The following ARHGAP18 variants were observed in gnomAD, a reference collection of about 807,000 sequenced individuals.
ARHGAP18 encodes Rho GTPase activating protein 18, also known as rho GTPase-activating protein 18.
A neutral mutation model predicts 86.2 loss-of-function variants in ARHGAP18; 67 were observed. That is an observed-to-expected ratio of 0.78 (90% CI 0.64 to 0.95). The LOEUF is 0.95. Among genes scored for constraint, ARHGAP18 ranks in the 40% least tolerant of loss-of-function variants. ARHGAP18 has a pLI of 0.00. For missense variants in ARHGAP18, 691 were observed against 780.4 expected (o/e 0.89, Z 1.37); for synonymous variants, 283 against 280.4 (o/e 1.01, Z -0.09).
chr6:129,681,318 C>T (rs575589418), intron 1 of ARHGAP18, among the ~76,000 whole-genome samples: 3 of 152,268 alleles, frequency 2.0e-5, no homozygotes, highest in Admixed American at 2.0e-4. Context: ...CCTCGTGATC[C>T]GCCTGCCTCG....
At chr6:129,665,897 G>A (rs1774026964) in intron 1 of ARHGAP18, among the ~76,000 whole-genome samples, 1 of 152,030 alleles carries the variant, frequency 6.6e-6, no homozygotes, top group Admixed American at 6.6e-5. Context: ...CAATTTTCTT[G>A]GCACAGAGGA....
chr6:129,710,142 G>A lies in ARHGAP18; in HGVS notation c.-6C>T, dbSNP rs765968468. 3.2e-5 allele frequency: 52 copies of A among 1,606,674 alleles called. No homozygotes were observed. Among genetic ancestry groups the A allele is most frequent in the Non-Finnish European group, 4.3e-5 (51 of 1,173,878 alleles). ...GAACTGGAGAGCCAGCTCATGGTGA[G>A]AGAAGGGACATACTTTCTGCGATCC... On this transcript the variant is annotated 5_prime_UTR_variant, in exon 1 of 15. Coordinates refer to ENST00000368149, the MANE Select transcript of ARHGAP18 (RefSeq NM_033515.3).
intron 12 of ARHGAP18, among the ~76,000 whole-genome samples, chr6:129,589,036 G>T (rs1030069583): frequency 1.9e-4 from 29 of 151,678 alleles, no homozygotes; most frequent in Non-Finnish European, 2.9e-5. Flanking sequence ...GCCTGGCACA[G>T]CAAACCAGTT....
rs932721807 is a variant in ARHGAP18 at position 129,576,182 on chromosome 6, C to A, written c.*2331G>T. 1 of 152,156 alleles carries A rather than the reference C, an allele frequency of 6.6e-6. No homozygotes were observed. The highest frequency in any genetic ancestry group is 1.9e-4 in the East Asian group (1 of 5,164). The allele number at this position is 152,156 out of a possible 1,614,324, so 9.4% of individuals were successfully genotyped here. A position where few individuals can be genotyped will look rare whatever the true frequency, so the allele number is the denominator to read the frequency against. ...ATTTTTATTTTGTCTCATACACACA[C>A]AGAAAAACAAATAAAAATCTAGCCT... On this transcript the variant is annotated 3_prime_UTR_variant, in exon 15 of 15. Transcript: ENST00000368149.
intron 1 of ARHGAP18, among the ~76,000 whole-genome samples, chr6:129,693,653 G>A (rs1774564274): frequency 6.6e-6 from 1 of 152,138 alleles, no homozygotes; most frequent in Non-Finnish European, 1.5e-5. Flanking sequence ...ACACTGAAGA[G>A]AGAAAAACAA....
intron 1 of ARHGAP18, among the ~76,000 whole-genome samples, chr6:129,664,470 A>G (rs1048514948): frequency 1.3e-5 from 2 of 152,064 alleles, no homozygotes; most frequent in African/African-American, 4.8e-5. Context: ...GTGTACAAAT[A>G]GAGGAATTTT....
At position 129,593,991 on chromosome 6, in the gene ARHGAP18, T is replaced by C. The variant is rs573953544; in HGVS notation, c.1713+5225A>G. Among the ~76,000 whole-genome samples the C allele has an allele frequency of 3.9e-5, 6 of 152,310 alleles. No homozygotes were observed. The East Asian group carries it at 9.6e-4, about 24-fold the overall frequency. On this transcript the variant is annotated intron_variant, in intron 12 of 14. Transcript: ENST00000368149. ...TTTTAATAGCATACAAAATTATTATTTTTTTAACAGGGGTGTCACTGTTTT... is the reference window on the plus strand; with the variant it reads ...TTTTAATAGCATACAAAATTATTATCTTTTTAACAGGGGTGTCACTGTTTT...
intron 1 of ARHGAP18, among the ~76,000 whole-genome samples, chr6:129,666,715 A>C (rs901427574): frequency 2.6e-5 from 4 of 152,246 alleles, no homozygotes; most frequent in African/African-American, 9.6e-5. Context: ...ATACCTGCAC[A>C]TACAGACACC....
intron 10 of ARHGAP18, among the ~76,000 whole-genome samples, chr6:129,602,618 A>G (rs1485626038): frequency 6.6e-6 from 1 of 152,170 alleles, no homozygotes; most frequent in Non-Finnish European, 1.5e-5. Flanking sequence ...AGATTTATGT[A>G]TCTAATTTCT....
chr6:129,619,761 T>A (rs982301053), intron 5 of ARHGAP18, among the ~76,000 whole-genome samples: 1 of 151,578 alleles, frequency 6.6e-6, no homozygotes, highest in Admixed American at 6.6e-5. Flanking sequence ...CATACACTTA[T>A]GTATCTTTTA....
At position 129,629,529 on chromosome 6, in the gene ARHGAP18, GC is replaced by G. The variant is rs749823482; in HGVS notation, c.617-8del. 3.7e-6 allele frequency: 6 copies of G among 1,600,140 alleles called. No individual in the cohort carries two copies. The highest frequency in any genetic ancestry group is 5.1e-6 in the Non-Finnish European group (6 of 1,176,110). On this transcript the variant is annotated splice_polypyrimidine_tract_variant and splice_region_variant and intron_variant, in intron 4 of 14. Transcript: ENST00000368149. ...ACAAGGTTAGATGCCTCGTCTAGGG[GC>G]CCGGGGGGAAAGAACCCAATTCATA... is the stretch of plus-strand genomic sequence containing the variant.
At chr6:129,646,366 T>C (rs1478604239) in intron 1 of ARHGAP18, among the ~76,000 whole-genome samples, 3 of 152,136 alleles carry the variant, frequency 2.0e-5, no homozygotes, top group African/African-American at 4.8e-5. Flanking sequence ...CTAGGTAAAT[T>C]TGTGCTGTAC....
intron 1 of ARHGAP18, among the ~76,000 whole-genome samples, chr6:129,659,517 G>A (rs1280811877): frequency 6.6e-6 from 1 of 151,988 alleles, no homozygotes; most frequent in African/African-American, 2.4e-5. Context: ...ACCCAGGCTG[G>A]AGTGCAATGA....
chr6:129,642,254 T>C (rs1562707217), intron 1 of ARHGAP18, among the ~76,000 whole-genome samples: 1 of 152,210 alleles, frequency 6.6e-6, no homozygotes, highest in Non-Finnish European at 1.5e-5. Flanking sequence ...TGGTAAATTA[T>C]TTTTCCATTT....
chr6:129,661,846 C>T (rs1395120993), intron 1 of ARHGAP18: 1 of 985,136 alleles, frequency 1.0e-6, no homozygotes, highest in East Asian at 1.1e-4. Context: ...CCAGCTCACC[C>T]AGCGAACAAT....
intron 8 of ARHGAP18, among the ~76,000 whole-genome samples, chr6:129,610,002 T>C (rs1411244586): frequency 1.7e-4 from 26 of 152,230 alleles, no homozygotes; most frequent in Admixed American, 1.6e-3. Context: ...CACTTAGTCC[T>C]GATCCAGCTC....
chr6:129,641,770 TA>T (rs1773469205), intron 2 of ARHGAP18, 45 bp downstream of exon 2: 1 of 1,531,072 alleles, frequency 6.5e-7, no homozygotes. Context: ...TCATTTCCTA[TA>T]AATACATATA....
At chr6:129,679,202 TTTCTC>T in intron 1 of ARHGAP18, among the ~76,000 whole-genome samples, 4 of 152,346 alleles carry the variant, frequency 2.6e-5, no homozygotes, top group Admixed American at 2.6e-4. Flanking sequence ...AATTTGCCAC[TTTCTC>T]TTAAGAGATA....
In ARHGAP18 at chr6:129,611,562, G is replaced by C. The variant is rs543407407; in HGVS notation, c.1093C>G (p.Arg365Gly). 7 of 1,613,720 alleles carry C rather than the reference G, an allele frequency of 4.3e-6. No individual in the cohort carries two copies. The highest frequency in any genetic ancestry group is 4.2e-6 in the Non-Finnish European group (5 of 1,179,782). Reference sequence around the variant, plus strand: ...ATTCTAATGGCAGCTCCAGGGATCCGTAAGAGGCCTTCTGTTTCCAAACCT... The same window carrying C: ...ATTCTAATGGCAGCTCCAGGGATCCCTAAGAGGCCTTCTGTTTCCAAACCT... ...ERGLETEGLL[R>G]IPGAAIRIKN... Residue 365 changes from arginine (R) to glycine (G), a missense_variant, in exon 8 of 15, where the codon CGG becomes GGG. Physicochemically the swap from Arg to Gly is moderately radical, Grantham distance 125 (BLOSUM62 -2). Coordinates refer to ENST00000368149, the MANE Select transcript of ARHGAP18 (RefSeq NM_033515.3).
Sources: allele counts gnomAD v4.1 joint callset (sites outside exome capture counted in the v4.1 genomes callset), GRCh38; gene constraint gnomAD v4.1.1; transcripts MANE v1.5; gene names NCBI Gene and HGNC (gene_info 2026-07-23, HGNC 2026-07-21).